Variants in ARHGAP21 observed in about 807,000 individuals in gnomAD.
ARHGAP21 encodes the protein rho GTPase-activating protein 21.
ARHGAP21 carries 38 observed loss-of-function variants against 164.6 expected under a neutral mutation model. That is an observed-to-expected ratio of 0.23 (90% CI 0.18 to 0.30). The LOEUF is 0.30. Ranked by LOEUF, ARHGAP21 falls within the 10% of genes least tolerant of loss-of-function variation. ARHGAP21 has a pLI of 1.00. For synonymous variants in ARHGAP21, 766 were observed against 857.9 expected, an observed-to-expected ratio of 0.89 and a Z score of 1.87; for missense variants, 1,822 against 2,370.7, an observed-to-expected ratio of 0.77 and a Z score of 4.81.
chr10:24,591,699 G>A lies in ARHGAP21; in HGVS notation c.4003-16C>T, dbSNP rs1367068674. ...ACCAGTCATGCTAAAATTTAAAAAA[G>A]GTGAGAAGAGAAATTAAACAAGCCT... On this transcript the variant is annotated splice_polypyrimidine_tract_variant and intron_variant, in intron 22 of 25. Transcript: ENST00000396432. 1.2e-6 allele frequency: 2 copies of A among 1,613,668 alleles called. No individual in the cohort carries two copies. The highest frequency in any genetic ancestry group is 1.7e-6 in the Non-Finnish European group (2 of 1,179,654).
chr10:24,593,461 TAAC>T lies in ARHGAP21; in HGVS notation c.3877-1452_3877-1450del, dbSNP rs890371991. Reference sequence around the variant, plus strand: ...ATGATTTATGTTTTTAGACTAATGATAACAAACATTAATATTTATATGTATACA... The same window carrying T: ...ATGATTTATGTTTTTAGACTAATGATAAACATTAATATTTATATGTATACA... On this transcript the variant is annotated intron_variant, in intron 21 of 25. Coordinates refer to ENST00000396432, the MANE Select transcript of ARHGAP21 (RefSeq NM_020824.4). Among the ~76,000 whole-genome samples the T allele has an allele frequency of 2.0e-5, 3 of 152,326 alleles. 1 individual carries two copies. Among genetic ancestry groups the T allele is most frequent in the African/African-American group, 7.2e-5 (3 of 41,570 alleles).
chr10:24,639,201 A>G (rs1836717354), intron 4 of ARHGAP21, among the ~76,000 whole-genome samples: 1 of 152,144 alleles, frequency 6.6e-6, no homozygotes, highest in East Asian at 1.9e-4. Flanking sequence ...AGATTTTGCA[A>G]TATTTGATAC....
chr10:24,638,915 T>G (rs1836685016), intron 4 of ARHGAP21, among the ~76,000 whole-genome samples: 1 of 152,212 alleles, frequency 6.6e-6, no homozygotes, highest in Non-Finnish European at 1.5e-5. Flanking sequence ...AAAGCACATG[T>G]AAATTTACCT....
In ARHGAP21 at chr10:24,589,260, A is replaced by G; in HGVS notation, c.4182+11T>C. The G allele has an allele frequency of 1.9e-6, 3 of 1,601,664 alleles. No homozygotes were observed. Among genetic ancestry groups the G allele is most frequent in the Non-Finnish European group, 1.7e-6 (2 of 1,170,676 alleles). On this transcript the variant is annotated intron_variant, in intron 25 of 25. Coordinates refer to ENST00000396432, the MANE Select transcript of ARHGAP21 (RefSeq NM_020824.4). ...CCCCTAAAATATTTCAAATTGTATG[A>G]AACAATTTACCTTAGATTTTGTTGA... is the stretch of plus-strand genomic sequence containing the variant.
At chr10:24,693,304 A>T (rs1488179020) in intron 2 of ARHGAP21, among the ~76,000 whole-genome samples, 1 of 152,224 alleles carries the variant, frequency 6.6e-6, no homozygotes. Context: ...AGCCAACAAT[A>T]GAATTCCCAT....
At chr10:24,617,446 T>C (rs1445022889) in intron 9 of ARHGAP21, among the ~76,000 whole-genome samples, 1 of 152,160 alleles carries the variant, frequency 6.6e-6, no homozygotes, top group East Asian at 1.9e-4. Flanking sequence ...TCATTCGTCA[T>C]CAGTTGCCTT....
At chr10:24,631,464 A>C (rs552944711) in intron 6 of ARHGAP21, among the ~76,000 whole-genome samples, 1 of 152,218 alleles carries the variant, frequency 6.6e-6, no homozygotes, top group African/African-American at 2.4e-5. Context: ...AATATCAGAC[A>C]TATTTTCCCC....
chr10:24,672,055 C>A (rs59596850), intron 2 of ARHGAP21, among the ~76,000 whole-genome samples: 2,099 of 151,896 alleles, frequency 0.014, 45 homozygotes, highest in African/African-American at 0.048. Context: ...TCACACACAA[C>A]CCTCTCCAGC....
intron 4 of ARHGAP21, among the ~76,000 whole-genome samples, chr10:24,656,344 G>A (rs1231921722): frequency 1.8e-5 from 2 of 108,718 alleles, no homozygotes; most frequent in South Asian, 7.1e-4. Context: ...GGAGATGGGG[G>A]GGTCAGCCCC....
intron 2 of ARHGAP21, among the ~76,000 whole-genome samples, chr10:24,686,554 A>G (rs1842232097): frequency 6.6e-6 from 1 of 152,218 alleles, no homozygotes. Flanking sequence ...GACTGTGAAC[A>G]TTTTTCAATG....
intron 3 of ARHGAP21, among the ~76,000 whole-genome samples, 192 bp downstream of exon 3, chr10:24,670,026 A>G (rs540490586): frequency 1.3e-5 from 2 of 152,322 alleles, no homozygotes; most frequent in East Asian, 1.9e-4. Context: ...AGAGAAGACT[A>G]AAGTTTCTGT....
At chr10:24,590,940 TAA>T (rs901265529) in intron 24 of ARHGAP21, 67,612 of 711,950 alleles carry the variant, frequency 0.095, no homozygotes, top group Non-Finnish European at 0.1. Context: ...AACTGTGAAT[TAA>T]AAAAAAAAAA....
intron 4 of ARHGAP21, among the ~76,000 whole-genome samples, chr10:24,656,122 G>A (rs1324109668): frequency 6.9e-6 from 1 of 145,926 alleles, no homozygotes; most frequent in Admixed American, 6.7e-5. Context: ...GGGAAGTGAG[G>A]AGTGTCTCCG....
intron 4 of ARHGAP21, among the ~76,000 whole-genome samples, chr10:24,637,378 A>C (rs1433108926): frequency 6.6e-6 from 1 of 152,216 alleles, no homozygotes. Context: ...TTAAAGAAAA[A>C]ACATCTATCT....
intron 2 of ARHGAP21, among the ~76,000 whole-genome samples, chr10:24,715,783 G>A (rs539297056): frequency 1.3e-5 from 2 of 152,226 alleles, no homozygotes; most frequent in African/African-American, 2.4e-5. Context: ...TGAGGTGGGT[G>A]GATCACTTTG....
At chr10:24,719,200 A>G (rs1045663240) in intron 2 of ARHGAP21, among the ~76,000 whole-genome samples, 2 of 152,128 alleles carry the variant, frequency 1.3e-5, no homozygotes, top group Non-Finnish European at 2.9e-5. Flanking sequence ...AGATGTATAA[A>G]AGTATATAAA....
intron 25 of ARHGAP21, among the ~76,000 whole-genome samples, chr10:24,587,076 C>T (rs985488972): frequency 6.6e-6 from 1 of 152,080 alleles, no homozygotes. Flanking sequence ...AACATAAGTA[C>T]AATTAAATCC....
intron 17 of ARHGAP21, chr10:24,596,249 AAG>A: frequency 4.7e-6 from 2 of 425,940 alleles, no homozygotes; most frequent in Non-Finnish European, 8.1e-6. Flanking sequence ...GACTGAAAGA[AAG>A]AGAGGGACCC....
chr10:24,679,799 A>T (rs552907283), intron 2 of ARHGAP21, among the ~76,000 whole-genome samples: 49 of 152,350 alleles, frequency 3.2e-4, no homozygotes, highest in Non-Finnish European at 6.5e-4. Flanking sequence ...TTTAATCTAA[A>T]TATTTTAAGT....
Sources: allele counts gnomAD v4.1 joint callset (sites outside exome capture counted in the v4.1 genomes callset), GRCh38; gene constraint gnomAD v4.1.1; transcripts MANE v1.5; gene names NCBI Gene and HGNC (gene_info 2026-07-23, HGNC 2026-07-21).